CFAP20: variants seen among roughly 807,000 people sequenced by gnomAD.
The protein encoded by CFAP20 is cilia- and flagella-associated protein 20.
CFAP20 carries 14 observed loss-of-function variants against 25.5 expected under a neutral mutation model. The ratio of observed to expected loss-of-function variants is 0.55; its 90% CI spans 0.36 to 0.86. The LOEUF (loss-of-function observed/expected upper bound fraction) is 0.86, where lower values mean the gene tolerates loss of function less well. CFAP20 is among the 40% of genes least tolerant of loss of function. The probability of loss-of-function intolerance (pLI) is 0.01; values close to 1 mark genes in which losing one functional copy is unlikely to be tolerated. For synonymous variants in CFAP20, 75 were observed against 91.1 expected (o/e 0.82, Z 1.01); for missense variants, 181 against 248.0 (o/e 0.73, Z 1.81).
rs751090482 is a variant in CFAP20 at position 58,113,994 on chromosome 16, C to T, written c.*31G>A. The T allele has an allele frequency of 6.2e-7, 1 of 1,608,730 alleles. No individual in the cohort carries two copies. The highest frequency in any genetic ancestry group is 1.1e-5 in the South Asian group (1 of 90,774). On this transcript the variant is annotated 3_prime_UTR_variant, in exon 6 of 6. Transcript: ENST00000262498. ...TCCTTTTAAAAAGAAGAGTCACATCCAGGGGTCTATCCCTCGAGTCACAAT... is the reference window on the plus strand; with the variant it reads ...TCCTTTTAAAAAGAAGAGTCACATCTAGGGGTCTATCCCTCGAGTCACAAT...
chr16:58,122,695 AT>A (rs1960550426), intron 1 of CFAP20, among the ~76,000 whole-genome samples: 1 of 152,236 alleles, frequency 6.6e-6, no homozygotes, highest in African/African-American at 2.4e-5. Context: ...TACCACCTTT[AT>A]GTCCAAATAC....
At chr16:58,121,397 C>A (rs1484061211) in intron 1 of CFAP20, among the ~76,000 whole-genome samples, 1 of 152,164 alleles carries the variant, frequency 6.6e-6, no homozygotes. Flanking sequence ...CAGGTTTTAA[C>A]ATGTTCTGTC....
chr16:58,129,196 A>T lies in CFAP20; in HGVS notation c.-81T>A. 2.7e-6 allele frequency: 4 copies of T among 1,471,092 alleles called. No homozygotes were observed. The highest frequency in any genetic ancestry group is 3.7e-6 in the Non-Finnish European group (4 of 1,070,002). The allele number at this position is 1,471,092 out of a possible 1,614,324, so 91.1% of individuals were successfully genotyped here. A position where few individuals can be genotyped will look rare whatever the true frequency, so the allele number is the denominator to read the frequency against. ...GATACAGGCACCGAGCGTCGAGGGC[A>T]CAGCAGCAGGCCGGCCCTGTTCCGA... On this transcript the variant is annotated 5_prime_UTR_variant, in exon 1 of 6. Transcript: ENST00000262498.
intron 1 of CFAP20, among the ~76,000 whole-genome samples, chr16:58,119,509 G>T (rs953730083): frequency 6.6e-5 from 10 of 152,176 alleles, no homozygotes; most frequent in Non-Finnish European, 1.2e-4. Context: ...CCACAGGGCC[G>T]CCAGCATGAA....
Position 58,115,095 on chromosome 16 carries a change from T to C in CFAP20, c.465+174A>G. 5.8e-6 allele frequency: 6 copies of C among 1,040,592 alleles called. No individual in the cohort carries two copies. In the South Asian group the frequency reaches 7.2e-5, roughly 12 times the overall value. 64.5% of individuals were successfully genotyped at this position (1,040,592 alleles called of 1,614,324 possible). A position where few individuals can be genotyped will look rare whatever the true frequency, so the allele number is the denominator to read the frequency against. On this transcript the variant is annotated intron_variant, in intron 4 of 5. Coordinates refer to ENST00000262498, the MANE Select transcript of CFAP20 (RefSeq NM_013242.3). Reference sequence around the variant, plus strand: ...GTCTTACTTGCTGTATTCACCTCTATACCTGACCCGACTTCTGAATATTTC... The same window carrying C: ...GTCTTACTTGCTGTATTCACCTCTACACCTGACCCGACTTCTGAATATTTC...
chr16:58,129,246 T>G lies in CFAP20; in HGVS notation c.-131A>C, dbSNP rs1960676320. ...AAGAAGGGTGGTTGAGCTCCTGGCC[T>G]CCGGATCTGCAGCCACTGATGGCCG... On this transcript the variant is annotated 5_prime_UTR_variant, in exon 1 of 6. Transcript: ENST00000262498. The G allele has an allele frequency of 1.1e-6, 1 of 925,280 alleles. No homozygotes were observed. Among genetic ancestry groups the G allele is most frequent in the Non-Finnish European group, 1.6e-6 (1 of 615,238 alleles). The allele number at this position is 925,280 out of a possible 1,614,324, so 57.3% of individuals were successfully genotyped here.
rs1960443170 is a variant in CFAP20 at position 58,115,323 on chromosome 16, T to A, written c.411A>T (p.Leu137=). The A allele has an allele frequency of 6.2e-7, 1 of 1,614,242 alleles. No individual in the cohort carries two copies. The highest frequency in any genetic ancestry group is 8.5e-7 in the Non-Finnish European group (1 of 1,180,030). The change falls in exon 4 of 6, where the codon CTA becomes CTT. Residue 137 remains leucine, a synonymous_variant. Coordinates refer to ENST00000262498, the MANE Select transcript of CFAP20 (RefSeq NM_013242.3). Reference sequence around the variant, plus strand: ...TGCCGTATGCTCGCCGTGTGAAGTCTAGCAAGTTGAACTGAATCTGGTTCC... The same window carrying A: ...TGCCGTATGCTCGCCGTGTGAAGTCAAGCAAGTTGAACTGAATCTGGTTCC... ...DGWNQIQFNL[L]DFTRRAYGTN...
rs571323556 is a variant in CFAP20, at chr16:58,115,243, G to A, written c.465+26C>T. On this transcript the variant is annotated intron_variant, in intron 4 of 5. Coordinates refer to ENST00000262498, the MANE Select transcript of CFAP20 (RefSeq NM_013242.3). The stretch of plus-strand genomic sequence containing the variant: ...GCAGTGTGCCCTATCCCCAACCCAG[G>A]GCTCTATCTGGGAAAGGAGCAGTAC... 18 of 1,613,434 alleles carry A rather than the reference G, an allele frequency of 1.1e-5. 1 individual carries two copies. The South Asian group carries it at 1.9e-4, about 17-fold the overall frequency.
At chr16:58,126,995 G>A (rs927570380) in intron 1 of CFAP20, among the ~76,000 whole-genome samples, 16 of 152,224 alleles carry the variant, frequency 1.1e-4, no homozygotes, top group African/African-American at 3.9e-4. Context: ...AGCTTTTACC[G>A]TTGTGAAGAT....
chr16:58,128,973 C>T lies in CFAP20; in HGVS notation c.84+59G>A, dbSNP rs533862226. 27 of 1,553,816 alleles carry T rather than the reference C, an allele frequency of 1.7e-5. No homozygotes were observed. In the South Asian group the frequency reaches 2.9e-4, roughly 17 times the overall value. Reference sequence around the variant, plus strand: ...ACACAACCATTCCCCGTCCCCAGCCCCCGGACGAGGAGGGGGTGCAGCCCC... The same window carrying T: ...ACACAACCATTCCCCGTCCCCAGCCTCCGGACGAGGAGGGGGTGCAGCCCC... On this transcript the variant is annotated intron_variant, in intron 1 of 5. Transcript: ENST00000262498.
At chr16:58,121,298 G>A (rs1409974126) in intron 1 of CFAP20, among the ~76,000 whole-genome samples, 1 of 152,174 alleles carries the variant, frequency 6.6e-6, no homozygotes, top group African/African-American at 2.4e-5. Flanking sequence ...CCTTTCCTTA[G>A]CTCCTTCCAG....
rs377306600 is a variant in CFAP20 at position 58,117,119 on chromosome 16, AACC to A, written c.85-171_85-169del. The A allele has an allele frequency of 1.8e-3, 1,000 of 569,774 alleles. 8 individuals carry two copies. Among genetic ancestry groups the A allele is most frequent in the African/African-American group, 0.017 (912 of 52,980 alleles). 35.3% of individuals were successfully genotyped at this position (569,774 alleles called of 1,614,324 possible). On this transcript the variant is annotated intron_variant, in intron 1 of 5. Coordinates refer to ENST00000262498, the MANE Select transcript of CFAP20 (RefSeq NM_013242.3). ...TATTACCTCTAGACAGGGTCACACC[AACC>A]ACCAAGGGAATCCCAGGTAACTTGG... is the stretch of plus-strand genomic sequence containing the variant.
At chr16:58,123,223 G>A (rs1960560428) in intron 1 of CFAP20, among the ~76,000 whole-genome samples, 1 of 150,574 alleles carries the variant, frequency 6.6e-6, no homozygotes, top group Non-Finnish European at 1.5e-5. Flanking sequence ...TTGAACTCCT[G>A]ACCTCAGCTC....
Position 58,129,206 on chromosome 16 carries a change from G to A in CFAP20, c.-91C>T. ...CCGAGCGTCGAGGGCACAGCAGCAG[G>A]CCGGCCCTGTTCCGAAGAAGGGTGG... is the stretch of plus-strand genomic sequence containing the variant. On this transcript the variant is annotated 5_prime_UTR_variant, in exon 1 of 6. Transcript: ENST00000262498. 7.2e-7 allele frequency: 1 copy of A among 1,397,810 alleles called. No homozygotes were observed. Among genetic ancestry groups the A allele is most frequent in the Non-Finnish European group, 9.9e-7 (1 of 1,010,950 alleles). 86.6% of individuals were successfully genotyped at this position (1,397,810 alleles called of 1,614,324 possible). A position where few individuals can be genotyped will look rare whatever the true frequency, so the allele number is the denominator to read the frequency against.
chr16:58,118,195 TGG>T (rs1444175726), intron 1 of CFAP20, among the ~76,000 whole-genome samples: 1 of 152,210 alleles, frequency 6.6e-6, no homozygotes, highest in Non-Finnish European at 1.5e-5. Context: ...AAAACAGGGC[TGG>T]GGCCAGGCAC....
At position 58,114,871 on chromosome 16, in the gene CFAP20, T is replaced by C. The variant is rs770209467; in HGVS notation, c.515A>G (p.Tyr172Cys). 7 of 1,613,998 alleles carry C rather than the reference T, an allele frequency of 4.3e-6. No individual in the cohort carries two copies. Among genetic ancestry groups the C allele is most frequent in the Non-Finnish European group, 5.9e-6 (7 of 1,180,006 alleles). Reference sequence around the variant, plus strand: ...CTCTGCCGGCAGCTCATCTTCTGAGTAGAGTCTGTCTGAGAAGTAAACCCG... The same window carrying C: ...CTCTGCCGGCAGCTCATCTTCTGAGCAGAGTCTGTCTGAGAAGTAAACCCG... ...IRRVYFSDRL[Y>C]SEDELPAEFK... Residue 172 changes from tyrosine (Y) to cysteine (C), a missense_variant, in exon 5 of 6, where the codon TAC becomes TGC. Transcript: ENST00000262498.
intron 1 of CFAP20, among the ~76,000 whole-genome samples, chr16:58,126,586 A>G (rs1441668834): frequency 6.6e-6 from 1 of 152,222 alleles, no homozygotes; most frequent in Non-Finnish European, 1.5e-5. Context: ...ACCACAGTCA[A>G]TATATACCTA....
chr16:58,116,212 A>G, intron 2 of CFAP20, 60 bp from the exon 3 acceptor site: 2 of 1,214,340 alleles, frequency 1.6e-6, no homozygotes, highest in South Asian at 2.5e-5. Flanking sequence ...TGTGGTATGC[A>G]CAACAATAAC....
At chr16:58,124,373 G>C (rs1313384196) in intron 1 of CFAP20, among the ~76,000 whole-genome samples, 1 of 152,174 alleles carries the variant, frequency 6.6e-6, no homozygotes, top group Non-Finnish European at 1.5e-5. Flanking sequence ...TACTTATAAA[G>C]TACTAACTAC....
Sources: allele counts gnomAD v4.1 joint callset (sites outside exome capture counted in the v4.1 genomes callset), GRCh38; gene constraint gnomAD v4.1.1; transcripts MANE v1.5; gene names NCBI Gene and HGNC (gene_info 2026-07-23, HGNC 2026-07-21).